The following GREB1 variants were observed in gnomAD, a reference collection of about 807,000 sequenced individuals.
The protein encoded by GREB1 is protein GREB1.
A neutral mutation model predicts 200.7 loss-of-function variants in GREB1; 106 were observed. That is an observed-to-expected ratio of 0.53 (90% confidence interval 0.45 to 0.62). The LOEUF (loss-of-function observed/expected upper bound fraction) is 0.62. GREB1 is among the 20% of genes least tolerant of loss of function. GREB1 has a pLI of 0.00. For missense variants in GREB1, 2,243 were observed against 2,556.8 expected (o/e 0.88, Z 2.65); for synonymous variants, 1,132 against 1,092.4 (o/e 1.04, Z -0.72).
intron 1 of GREB1, among the ~76,000 whole-genome samples, chr2:11,505,139 C>G (rs982554831): frequency 6.6e-6 from 1 of 152,036 alleles, no homozygotes; most frequent in Non-Finnish European, 1.5e-5. Flanking sequence ...ACCATGTTGG[C>G]CAGGCTGGTC....
At chr2:11,555,581 A>G (rs1676351431) in intron 1 of GREB1, among the ~76,000 whole-genome samples, 1 of 152,258 alleles carries the variant, frequency 6.6e-6, no homozygotes, top group Non-Finnish European at 1.5e-5. Context: ...CATGCTAAAC[A>G]GATGAATCTT....
intron 1 of GREB1, among the ~76,000 whole-genome samples, chr2:11,524,060 C>A (rs116132358): frequency 1.2e-4 from 19 of 152,304 alleles, no homozygotes; most frequent in Non-Finnish European, 2.5e-4. Context: ...CTCACACACA[C>A]ACACACACAC....
At position 11,580,773 on chromosome 2, in the gene GREB1, C is replaced by T. The variant is rs199738668; in HGVS notation, c.842C>T (p.Pro281Leu). ...GPAVFNGKDS[P>L]KCQQLAKNNL... is the part of the protein sequence containing the mutation. ...GCTGTTTTCAACGGCAAAGATTCCC[C>T]GAAGTGCCAACAACTGGCAAAGAAT... Residue 281 changes from proline (P) to leucine (L), a missense_variant, in exon 7 of 33, where the codon CCG becomes CTG. Around this residue, in one of 3 missense-constraint regions of GREB1, gnomAD observed 1,178 missense variants for 1,387.4 expected, o/e 0.85. Coordinates refer to ENST00000381486, the MANE Select transcript of GREB1 (RefSeq NM_014668.4). This position sits in a 1 kb window ranked among gnomAD's most constrained non-coding sequence, Gnocchi z 4.5. 5.6e-6 allele frequency: 9 copies of T among 1,614,182 alleles called. No homozygotes were observed. In the East Asian group the frequency reaches 1.3e-4, roughly 24 times the overall value.
chr2:11,625,272 C>T lies in GREB1; in HGVS notation c.4266C>T (p.Ala1422=), dbSNP rs200438725. Reference sequence around the variant, plus strand: ...TTCACGACCCGAAGTATGAAGATGCCAGCCTGATTTGTTCGCACTATCAGG... The same window carrying T: ...TTCACGACCCGAAGTATGAAGATGCTAGCCTGATTTGTTCGCACTATCAGG... ...YIIHDPKYED[A]SLICSHYQGI... The change falls in exon 24 of 33, where the codon GCC becomes GCT. Residue 1422 remains alanine (A), a synonymous_variant. Coordinates refer to ENST00000381486, the MANE Select transcript of GREB1 (RefSeq NM_014668.4). 4 of 1,614,160 alleles carry T rather than the reference C, an allele frequency of 2.5e-6. No homozygotes were observed. In the South Asian group the frequency reaches 4.4e-5, roughly 18 times the overall value.
In GREB1 at chr2:11,566,508, C is replaced by T. The variant is rs1677674460; in HGVS notation, c.306C>T (p.Arg102=). Residue 102 remains arginine, a synonymous_variant, in exon 4 of 33, where the codon CGC becomes CGT. Coordinates refer to ENST00000381486, the MANE Select transcript of GREB1 (RefSeq NM_014668.4). ...DGFCQAGKDL[R]LVSISNEPMD... ...TTTGCCAGGCCGGGAAGGACCTGCG[C>T]CTTGTCTCCATTTCCAACGAGCCCA... is the stretch of plus-strand genomic sequence containing the variant. The T allele has an allele frequency of 6.2e-7, 1 of 1,613,114 alleles. No homozygotes were observed. The highest frequency in any genetic ancestry group is 1.3e-5 in the African/African-American group (1 of 74,898).
chr2:11,596,003 C>G, intron 12 of GREB1, 108 bp from the exon 13 acceptor site: 1 of 1,078,230 alleles, frequency 9.3e-7, no homozygotes, highest in Non-Finnish European at 1.4e-6. Context: ...CTCCTCTTTA[C>G]CTTCATGACT....
chr2:11,501,895 GTTTTTTTTTGTTTTTTTTTTTTTTTT>G (rs1334537804), intron 1 of GREB1, among the ~76,000 whole-genome samples: 2 of 45,562 alleles, frequency 4.4e-5, no homozygotes, highest in African/African-American at 8.9e-5. Flanking sequence ...TGGATTTCCT[GTTTTTTTTTGTTTTTTTTTTTTTTTT>G]TTTTTTTTTT....
intron 1 of GREB1, among the ~76,000 whole-genome samples, chr2:11,483,612 G>C (rs888509076): frequency 1.1e-4 from 16 of 151,666 alleles, no homozygotes; most frequent in Non-Finnish European, 2.2e-4. Flanking sequence ...ATGCTTCAGG[G>C]GAGGTGGGGA....
rs148976924 is a variant in GREB1, at chr2:11,505,850, A to G, written c.-159+23469A>G. 7.0e-3 allele frequency among the ~76,000 whole-genome samples: 1,045 copies of G among 148,856 alleles called. 10 individuals carry two copies. The highest frequency in any genetic ancestry group is 0.023 in the African/African-American group (923 of 39,976). On this transcript the variant is annotated intron_variant, in intron 1 of 2. Coordinates refer to the GREB1 transcript ENST00000628795. ...AAACAGAGCAAGACCCTGTTTTGGGAAAAAAAAAAGTGTTCAAACTAACTT... is the reference window on the plus strand; with the variant it reads ...AAACAGAGCAAGACCCTGTTTTGGGGAAAAAAAAAGTGTTCAAACTAACTT...
At chr2:11,574,221 A>G (rs555421782) in intron 4 of GREB1, among the ~76,000 whole-genome samples, 2 of 152,232 alleles carry the variant, frequency 1.3e-5, no homozygotes, top group African/African-American at 4.8e-5. Context: ...CGTGTTGGGT[A>G]TTAGTCAGTA....
chr2:11,606,758 C>T (rs901022619), intron 17 of GREB1, among the ~76,000 whole-genome samples: 21 of 143,362 alleles, frequency 1.5e-4, no homozygotes, highest in African/African-American at 4.7e-4. Flanking sequence ...ATTTTAGTTT[C>T]ATTATTATTA....
chr2:11,577,495 A>C (rs1678994689), intron 5 of GREB1, among the ~76,000 whole-genome samples: 1 of 152,246 alleles, frequency 6.6e-6, no homozygotes, highest in African/African-American at 2.4e-5. Flanking sequence ...TGTTGGGAGC[A>C]GGCTGCCCTC....
intron 2 of GREB1, chr2:11,561,804 G>T (rs1677074038): frequency 6.6e-6 from 1 of 152,344 alleles, no homozygotes; most frequent in African/African-American, 2.4e-5. Context: ...CAGCTGTCTT[G>T]TATTGTGTAA....
chr2:11,513,273 C>T (rs540872697), intron 1 of GREB1, among the ~76,000 whole-genome samples: 84 of 152,232 alleles, frequency 5.5e-4, no homozygotes, highest in Admixed American at 1.4e-3. Flanking sequence ...CTGACAGAGG[C>T]GGGTGGGCGT....
chr2:11,528,323 A>G (rs965933998), intron 1 of GREB1, among the ~76,000 whole-genome samples: 1 of 152,252 alleles, frequency 6.6e-6, no homozygotes, highest in Non-Finnish European at 1.5e-5. Context: ...ATACAAGGCA[A>G]GAATTTATAC....
chr2:11,598,006 G>T, intron 14 of GREB1, 28 bp downstream of exon 14: 2 of 1,549,080 alleles, frequency 1.3e-6, no homozygotes, highest in Non-Finnish European at 1.8e-6. Context: ...GAGAAGTCAC[G>T]TGTGGAGAAG....
chr2:11,598,929 G>T, intron 15 of GREB1, 69 bp downstream of exon 15: 1 of 1,274,594 alleles, frequency 7.8e-7, no homozygotes, highest in Non-Finnish European at 1.1e-6. Flanking sequence ...GGATGTTCCC[G>T]GGGGCTGAGG....
intron 16 of GREB1, among the ~76,000 whole-genome samples, chr2:11,602,057 G>T (rs1461092886): frequency 2.6e-5 from 4 of 152,164 alleles, no homozygotes; most frequent in African/African-American, 9.7e-5. Flanking sequence ...CAAAATAATT[G>T]ATTTGCCCAT....
chr2:11,531,571 A>T (rs116712807), upstream of GREB1, among the ~76,000 whole-genome samples: 2,384 of 152,060 alleles, frequency 0.016, 67 homozygotes, highest in African/African-American at 0.054. Flanking sequence ...TTAATTAATT[A>T]ATTATTATTA....
Sources: gnomAD v4.1 joint callset for allele counts (sites outside exome capture counted in the v4.1 genomes callset) on GRCh38, gnomAD v4.1.1 for gene constraint, gnomAD v4.1.1 regional missense constraint, Gnocchi (gnomAD v3.1) non-coding constraint, MANE v1.5 for transcripts, NCBI Gene and HGNC (gene_info 2026-07-23, HGNC 2026-07-21) for gene names.